Variants in USH2A observed in about 807,000 individuals in gnomAD.
USH2A encodes Usher syndrome 2A (autosomal recessive, mild).
A neutral mutation model predicts 538.9 loss-of-function variants in USH2A; 443 were observed. That is an observed-to-expected ratio of 0.82 (90% CI 0.76 to 0.89). USH2A has a LOEUF of 0.89. Among genes scored for constraint, USH2A ranks in the 40% least tolerant of loss-of-function variants. The pLI is 0.00. For missense variants in USH2A, 6,633 were observed against 6,324.8 expected (o/e 1.05, Z -1.65); for synonymous variants, 2,413 against 2,273.5 (o/e 1.06, Z -1.75).
At chr1:216,344,725 C>G (rs1043421459) in intron 4 of USH2A, among the ~76,000 whole-genome samples, 4 of 151,646 alleles carry the variant, frequency 2.6e-5, no homozygotes, top group African/African-American at 7.3e-5. Flanking sequence ...TCTCTTAAGA[C>G]AGAGGTGGTT....
intron 3 of USH2A, among the ~76,000 whole-genome samples, chr1:216,410,783 A>G (rs980529113): frequency 5.3e-5 from 8 of 152,064 alleles, no homozygotes; most frequent in Non-Finnish European, 1.2e-4. Flanking sequence ...TTTCCCTCAT[A>G]TTACATATTC....
chr1:216,334,883 A>C (rs2037939794), intron 4 of USH2A, among the ~76,000 whole-genome samples: 1 of 151,846 alleles, frequency 6.6e-6, no homozygotes. Context: ...ACTTTCAATC[A>C]TGGAGAGAGC....
intron 38 of USH2A, among the ~76,000 whole-genome samples, chr1:215,920,597 C>T (rs1052517618): frequency 6.6e-6 from 1 of 151,952 alleles, no homozygotes; most frequent in African/African-American, 2.4e-5. Flanking sequence ...AATTATGAAA[C>T]CCCTTCCCAG....
rs56994065 is a variant in USH2A at position 216,390,289 on chromosome 1, A to G, written c.652-25204T>C. ...AAATAAAGGGATTCCAAAGCTTTGC[A>G]GAGTTATTTGTATAGAGCAGGAGAT... is the stretch of plus-strand genomic sequence containing the variant. On this transcript the variant is annotated intron_variant, in intron 3 of 71. Coordinates refer to ENST00000307340, the MANE Select transcript of USH2A (RefSeq NM_206933.4). 4.7e-3 allele frequency among the ~76,000 whole-genome samples: 711 copies of G among 152,300 alleles called. 6 individuals are homozygous for G. The highest frequency in any genetic ancestry group is 0.016 in the African/African-American group (682 of 41,568).
chr1:215,824,835 G>T (rs375483344), intron 47 of USH2A, among the ~76,000 whole-genome samples: 4 of 152,136 alleles, frequency 2.6e-5, no homozygotes, highest in African/African-American at 4.8e-5. Flanking sequence ...TTCCACAAGC[G>T]TGGTGCTGAA....
At chr1:215,926,729 T>C (rs896927807) in intron 38 of USH2A, among the ~76,000 whole-genome samples, 14 of 147,542 alleles carry the variant, frequency 9.5e-5, no homozygotes, top group African/African-American at 2.5e-4. Flanking sequence ...GCGATTCTCC[T>C]ACCCCAGCCT....
intron 61 of USH2A, among the ~76,000 whole-genome samples, chr1:215,726,874 A>C (rs1659834692): frequency 6.6e-6 from 1 of 152,176 alleles, no homozygotes; most frequent in Non-Finnish European, 1.5e-5. Context: ...TCGGGATCTA[A>C]GTCTCAGTGT....
At position 216,199,592 on chromosome 1, in the gene USH2A, G is replaced by A. The variant is rs369810965; in HGVS notation, c.3811+35C>T. ...TACAATAGATTCTCATTCATGTCTT[G>A]ACCAAAAAGGGGAATCTCAGCCTTG... On this transcript the variant is annotated intron_variant, in intron 17 of 71. Coordinates refer to ENST00000307340, the MANE Select transcript of USH2A (RefSeq NM_206933.4). 5.3e-5 allele frequency: 86 copies of A among 1,613,038 alleles called. No individual in the cohort carries two copies. The African/African-American group carries it at 1.1e-3, about 21-fold the overall frequency.
intron 14 of USH2A, among the ~76,000 whole-genome samples, chr1:216,226,633 G>A (rs2035567252): frequency 6.6e-6 from 1 of 152,052 alleles, no homozygotes; most frequent in South Asian, 2.1e-4. Context: ...CTCACCATTA[G>A]GTATCTCTCA....
At chr1:215,957,377 C>T (rs544252977) in intron 37 of USH2A, among the ~76,000 whole-genome samples, 7 of 152,090 alleles carry the variant, frequency 4.6e-5, no homozygotes, top group Non-Finnish European at 1.0e-4. Context: ...TTCTAAGTCT[C>T]TAAAATAAAT....
chr1:216,167,486 T>G (rs950140103), intron 21 of USH2A, among the ~76,000 whole-genome samples: 1 of 152,056 alleles, frequency 6.6e-6, no homozygotes, highest in African/African-American at 2.4e-5. Flanking sequence ...AACACTTAAC[T>G]GGCAAGGAAA....
In USH2A at chr1:215,650,902, G is replaced by A. The variant is rs1192708153; in HGVS notation, c.14134-101C>T. ...AAAAAAACGAAATTGGCAACCAAAA[G>A]CAACTAAACACAACAGGAAGAGATA... On this transcript the variant is annotated intron_variant, in intron 64 of 71. Transcript: ENST00000307340. 27 of 1,278,268 alleles carry A rather than the reference G, an allele frequency of 2.1e-5. No homozygotes were observed. The East Asian group carries it at 6.6e-4, about 31-fold the overall frequency. The allele number at this position is 1,278,268 out of a possible 1,614,324, so 79.2% of individuals were successfully genotyped here. A position where few individuals can be genotyped will look rare whatever the true frequency, so the allele number is the denominator to read the frequency against.
chr1:216,146,990 A>T (rs983845939), intron 21 of USH2A, among the ~76,000 whole-genome samples: 2 of 152,158 alleles, frequency 1.3e-5, no homozygotes, highest in South Asian at 2.1e-4. Flanking sequence ...AATTTTTCCA[A>T]CCTGCAAAAT....
chr1:216,065,700 C>A (rs1390495487), intron 30 of USH2A, among the ~76,000 whole-genome samples: 1 of 151,968 alleles, frequency 6.6e-6, no homozygotes, highest in African/African-American at 2.4e-5. Context: ...AGTTCGAGAC[C>A]AGCCTGGCCA....
chr1:215,643,156 CA>C (rs1049125154), intron 67 of USH2A, among the ~76,000 whole-genome samples: 3 of 151,976 alleles, frequency 2.0e-5, no homozygotes, highest in Non-Finnish European at 2.9e-5. Flanking sequence ...CCACCACACT[CA>C]GCTAATTTTT....
intron 56 of USH2A, among the ~76,000 whole-genome samples, chr1:215,762,361 G>T (rs917488739): frequency 6.6e-6 from 1 of 152,144 alleles, no homozygotes; most frequent in African/African-American, 2.4e-5. Context: ...GCTATTGCTT[G>T]GTTTCTGATT....
intron 58 of USH2A, among the ~76,000 whole-genome samples, chr1:215,750,664 G>A (rs192643274): frequency 2.4e-4 from 36 of 152,204 alleles, no homozygotes; most frequent in Non-Finnish European, 2.8e-4. Context: ...TTTGCTTTCC[G>A]CACGTTTAGG....
intron 3 of USH2A, among the ~76,000 whole-genome samples, chr1:216,414,684 T>C (rs1019137025): frequency 9.2e-5 from 14 of 152,186 alleles, no homozygotes; most frequent in Admixed American, 5.2e-4. Context: ...AATTCTGGTT[T>C]CTGGGCCATT....
At chr1:216,103,087 T>C (rs2032632283) in intron 21 of USH2A, among the ~76,000 whole-genome samples, 2 of 152,248 alleles carry the variant, frequency 1.3e-5, no homozygotes. Flanking sequence ...ATATACTGTA[T>C]GATCCCATTT....
Sources: gnomAD v4.1 joint callset for allele counts (sites outside exome capture counted in the v4.1 genomes callset) on GRCh38, gnomAD v4.1.1 for gene constraint, MANE v1.5 for transcripts, NCBI Gene and HGNC (gene_info 2026-07-23, HGNC 2026-07-21) for gene names.